Variants in UNC13C observed in about 807,000 individuals in gnomAD.
UNC13C encodes unc-13 homolog C.
In UNC13C, 174 loss-of-function variants were observed where a neutral mutation model predicts 245.4. The ratio of observed to expected loss-of-function variants is 0.71; its 90% CI spans 0.63 to 0.80. UNC13C has a LOEUF of 0.80. UNC13C is among the 30% of genes least tolerant of loss of function. UNC13C has a pLI of 0.00. For missense variants in UNC13C, 2,829 were observed against 2,602.9 expected, an observed-to-expected ratio of 1.09 and a Z score of -1.89; for synonymous variants, 992 against 895.1, an observed-to-expected ratio of 1.11 and a Z score of -1.93.
the UNC13C span, among the ~76,000 whole-genome samples, chr15:53,933,031 C>G: frequency 6.6e-6 from 1 of 152,194 alleles, no homozygotes; most frequent in Non-Finnish European, 1.5e-5. Flanking sequence ...TCCCTCTTCT[C>G]ACTTTGATTT....
intron 19 of UNC13C, among the ~76,000 whole-genome samples, chr15:54,447,608 C>T (rs533060750): frequency 1.3e-5 from 2 of 152,112 alleles, no homozygotes; most frequent in African/African-American, 4.8e-5. Flanking sequence ...TCTGTGGGAT[C>T]GATGGTGATA....
At chr15:53,956,573 TAGAAC>T in the UNC13C span, among the ~76,000 whole-genome samples, 3 of 76,458 alleles carry the variant, frequency 3.9e-5, no homozygotes, top group Non-Finnish European at 9.0e-5. Context: ...GAGTGTTACT[TAGAAC>T]AGAAGCTTCA....
At chr15:54,156,971 G>T (rs2032776962) in intron 4 of UNC13C, among the ~76,000 whole-genome samples, 1 of 151,900 alleles carries the variant, frequency 6.6e-6, no homozygotes, top group South Asian at 2.1e-4. Flanking sequence ...CTGTGTGTGG[G>T]TGGGTGTGGC....
At chr15:54,320,388 T>C (rs2038119880) in intron 13 of UNC13C, among the ~76,000 whole-genome samples, 1 of 151,946 alleles carries the variant, frequency 6.6e-6, no homozygotes, top group Non-Finnish European at 1.5e-5. Context: ...CAAATTACGT[T>C]CTTTTTTTTA....
chr15:54,321,081 G>C, intron 13 of UNC13C: 2 of 487,926 alleles, frequency 4.1e-6, no homozygotes, highest in South Asian at 3.0e-5. Context: ...CACCACCAAA[G>C]CTTTTAGGAC....
At chr15:54,594,451 G>A (rs1478639667) in intron 30 of UNC13C, among the ~76,000 whole-genome samples, 1 of 152,052 alleles carries the variant, frequency 6.6e-6, no homozygotes, top group Non-Finnish European at 1.5e-5. Context: ...TCAGGTGGGG[G>A]CAGGGCTAGG....
intron 5 of UNC13C, 103 bp downstream of exon 5, chr15:54,235,211 T>C: frequency 1.0e-6 from 1 of 967,510 alleles, no homozygotes; most frequent in Non-Finnish European, 1.6e-6. Context: ...AAATATTCCA[T>C]GGAATAAAAA....
intron 24 of UNC13C, among the ~76,000 whole-genome samples, chr15:54,515,233 G>A (rs779366058): frequency 5.3e-5 from 8 of 152,086 alleles, no homozygotes; most frequent in Non-Finnish European, 1.0e-4. Context: ...GCCAACCCGT[G>A]TTATAGATGT....
At chr15:54,311,760 T>G (rs2037878860) in intron 13 of UNC13C, among the ~76,000 whole-genome samples, 1 of 151,798 alleles carries the variant, frequency 6.6e-6, no homozygotes, top group Non-Finnish European at 1.5e-5. Flanking sequence ...AAGAGAAAAG[T>G]CATTTTGTCA....
chr15:54,212,972 T>G (rs996045830), intron 4 of UNC13C, among the ~76,000 whole-genome samples: 2 of 152,074 alleles, frequency 1.3e-5, no homozygotes, highest in African/African-American at 4.8e-5. Flanking sequence ...AAGAACAACA[T>G]TTTGGATTAG....
intron 4 of UNC13C, among the ~76,000 whole-genome samples, chr15:54,184,319 G>A (rs919677560): frequency 1.3e-5 from 2 of 151,760 alleles, no homozygotes; most frequent in African/African-American, 4.8e-5. Context: ...ACAACGTGCG[G>A]GTTTTGTTAC....
chr15:54,051,863 A>T (rs1233869274), intron 2 of UNC13C, among the ~76,000 whole-genome samples: 5 of 142,954 alleles, frequency 3.5e-5, no homozygotes, highest in African/African-American at 5.2e-5. Context: ...TGCACCCACT[A>T]ACTCGTCATC....
chr15:54,524,571 C>T (rs1415936014), intron 24 of UNC13C, among the ~76,000 whole-genome samples: 1 of 152,218 alleles, frequency 6.6e-6, no homozygotes, highest in Non-Finnish European at 1.5e-5. Flanking sequence ...TTCTTCCTAA[C>T]AGTTCCTTAG....
At chr15:54,615,166 G>A (rs1286625778) in intron 30 of UNC13C, among the ~76,000 whole-genome samples, 1 of 151,928 alleles carries the variant, frequency 6.6e-6, no homozygotes, top group Admixed American at 6.6e-5. Context: ...GCACATCCTG[G>A]GGAAGGGGAC....
At chr15:53,956,875 A>AGTGTGTGTGTGTGTGTGTGT in the UNC13C span, among the ~76,000 whole-genome samples, 1,706 of 139,756 alleles carry the variant, frequency 0.012, 27 homozygotes, top group East Asian at 0.072. Context: ...GTTAAGCTCA[A>AGTGTGTGTGTGTGTGTGTGT]GTGTGTGTGT....
downstream of UNC13C, chr15:54,632,798 CAGGT>C: frequency 6.6e-6 from 1 of 152,308 alleles, no homozygotes; most frequent in East Asian, 1.9e-4. Context: ...GTCTTGAACT[CAGGT>C]AGTAAGAGTT....
chr15:54,507,515 A>C (rs1894527014), intron 23 of UNC13C, among the ~76,000 whole-genome samples: 1 of 152,136 alleles, frequency 6.6e-6, no homozygotes, highest in Admixed American at 6.6e-5. Context: ...AAATTAGATG[A>C]GTATTGGCAC....
At chr15:54,434,818 T>G in intron 19 of UNC13C, among the ~76,000 whole-genome samples, 1 of 152,086 alleles carries the variant, frequency 6.6e-6, no homozygotes, top group Non-Finnish European at 1.5e-5. Context: ...TGGGAGAAAT[T>G]TTTTGCAATC....
At chr15:54,430,981 C>T (rs1210090761) in intron 19 of UNC13C, among the ~76,000 whole-genome samples, 2 of 151,718 alleles carry the variant, frequency 1.3e-5, no homozygotes, top group Non-Finnish European at 2.9e-5. Context: ...TAGAGAAAAC[C>T]TGGGCAGAAG....
Sources: gnomAD v4.1 joint callset for allele counts (sites outside exome capture counted in the v4.1 genomes callset) on GRCh38, gnomAD v4.1.1 for gene constraint, MANE v1.5 for transcripts, NCBI Gene and HGNC (gene_info 2026-07-23, HGNC 2026-07-21) for gene names.